The following NEO1 variants were observed in gnomAD, a reference collection of about 807,000 sequenced individuals.
NEO1 encodes the protein neogenin 1, also known as neogenin.
Under a neutral mutation model 159.7 loss-of-function variants are expected in NEO1, and 63 were observed. The observed-to-expected ratio is 0.39, with a 90% CI of 0.32 to 0.49. The LOEUF (loss-of-function observed/expected upper bound fraction) is 0.49, where lower values mean the gene tolerates loss of function less well. Among genes scored for constraint, NEO1 ranks in the 20% least tolerant of loss-of-function variants. The probability of loss-of-function intolerance (pLI) is 0.85; values close to 1 mark genes in which losing one functional copy is unlikely to be tolerated. For missense variants in NEO1, 1,615 were observed against 1,831.0 expected, an observed-to-expected ratio of 0.88 and a Z score of 2.15; for synonymous variants, 633 against 662.0, an observed-to-expected ratio of 0.96 and a Z score of 0.67.
chr15:73,096,599 T>A (rs909091689), intron 1 of NEO1, among the ~76,000 whole-genome samples: 7 of 152,178 alleles, frequency 4.6e-5, no homozygotes, highest in Non-Finnish European at 1.0e-4. Flanking sequence ...TATGAGAATG[T>A]TTTGAGAAAG....
chr15:73,064,603 TACAGGTGC>T (rs1283204517), intron 1 of NEO1, among the ~76,000 whole-genome samples: 1 of 152,162 alleles, frequency 6.6e-6, no homozygotes, highest in Non-Finnish European at 1.5e-5. Context: ...TAGCTGGGAC[TACAGGTGC>T]ACACCACCAT....
intron 25 of NEO1, among the ~76,000 whole-genome samples, chr15:73,291,831 G>C (rs2042176320): frequency 6.6e-6 from 1 of 152,098 alleles, no homozygotes; most frequent in Admixed American, 6.6e-5. Flanking sequence ...AGTCAATTTT[G>C]TTTTTCCCTT....
chr15:73,185,315 A>G (rs1031928396), intron 7 of NEO1, among the ~76,000 whole-genome samples: 6 of 152,220 alleles, frequency 3.9e-5, no homozygotes, highest in East Asian at 1.9e-4. Context: ...AGGTTATTCA[A>G]TTGTAATAAA....
At chr15:73,118,169 C>T (rs559951968) in intron 2 of NEO1, among the ~76,000 whole-genome samples, 1 of 152,242 alleles carries the variant, frequency 6.6e-6, no homozygotes, top group South Asian at 2.1e-4. Context: ...AGTAATTTCT[C>T]TGTACTTAAT....
At chr15:73,185,366 A>C (rs1283275966) in intron 7 of NEO1, among the ~76,000 whole-genome samples, 3 of 152,214 alleles carry the variant, frequency 2.0e-5, no homozygotes, top group Admixed American at 6.5e-5. Flanking sequence ...GGGGGAAACT[A>C]TGCATGTGTA....
intron 1 of NEO1, among the ~76,000 whole-genome samples, chr15:73,109,252 A>G (rs996874629): frequency 5.3e-5 from 8 of 152,166 alleles, no homozygotes; most frequent in African/African-American, 1.4e-4. Context: ...ATAGTTAACT[A>G]TTTATTGAGG....
At chr15:73,074,039 A>G (rs66881913) in intron 1 of NEO1, among the ~76,000 whole-genome samples, 15,610 of 152,200 alleles carry the variant, frequency 0.1, 1,129 homozygotes, top group African/African-American at 0.2. Context: ...GTCTCTTACT[A>G]TAACAGTGTT....
intron 1 of NEO1, among the ~76,000 whole-genome samples, chr15:73,066,421 G>A (rs780535027): frequency 2.0e-4 from 30 of 149,020 alleles, no homozygotes; most frequent in Non-Finnish European, 1.5e-4. Context: ...GTGTGTTCCC[G>A]TAGGAGTTTT....
chr15:73,118,869 G>C (rs918988778), intron 2 of NEO1, among the ~76,000 whole-genome samples: 62 of 152,160 alleles, frequency 4.1e-4, no homozygotes, highest in African/African-American at 1.4e-3. Context: ...TTTCTTTATT[G>C]ATGAACAATT....
At chr15:73,166,791 A>G (rs966066659) in intron 5 of NEO1, among the ~76,000 whole-genome samples, 5 of 152,176 alleles carry the variant, frequency 3.3e-5, no homozygotes, top group African/African-American at 4.8e-5. Context: ...AAAGATATTC[A>G]GTCCTCAGTT....
chr15:73,243,381 A>G (rs2039588887), intron 8 of NEO1, among the ~76,000 whole-genome samples: 2 of 152,250 alleles, frequency 1.3e-5, no homozygotes, highest in Admixed American at 1.3e-4. Context: ...AATTCAATAA[A>G]TTAGAATAAT....
intron 7 of NEO1, among the ~76,000 whole-genome samples, chr15:73,200,874 GT>G (rs1291976561): frequency 6.6e-6 from 1 of 151,708 alleles, no homozygotes; most frequent in Admixed American, 6.6e-5. Context: ...GGTAGAGACA[GT>G]TTCGCCATGT....
chr15:73,186,185 G>A (rs753023297), intron 7 of NEO1, among the ~76,000 whole-genome samples: 66 of 150,508 alleles, frequency 4.4e-4, no homozygotes, highest in Middle Eastern at 3.2e-3. Context: ...AAAAAAAAAT[G>A]TGAGCTAGAA....
At chr15:73,230,239 A>C (rs1449608935) in intron 7 of NEO1, among the ~76,000 whole-genome samples, 1 of 152,176 alleles carries the variant, frequency 6.6e-6, no homozygotes, top group Non-Finnish European at 1.5e-5. Context: ...TAGGTCGTTC[A>C]GACTTCATGT....
chr15:73,066,883 T>A (rs2068249401), intron 1 of NEO1, among the ~76,000 whole-genome samples: 1 of 152,216 alleles, frequency 6.6e-6, no homozygotes, highest in African/African-American at 2.4e-5. Flanking sequence ...CATACCAGAT[T>A]TGTCCCTTTG....
chr15:73,275,136 A>G (rs1158517433), intron 21 of NEO1, among the ~76,000 whole-genome samples: 1 of 152,214 alleles, frequency 6.6e-6, no homozygotes, highest in African/African-American at 2.4e-5. Context: ...CTAGAATTTT[A>G]TTAGTGTCTT....
In NEO1 at chr15:73,304,916, T is replaced by G. The variant is rs2042732983; in HGVS notation, c.*2220T>G. 1 of 152,152 alleles carries G rather than the reference T, an allele frequency of 6.6e-6. No homozygotes were observed. Among genetic ancestry groups the G allele is most frequent in the African/African-American group, 2.4e-5 (1 of 41,424 alleles). 9.4% of individuals were successfully genotyped at this position (152,152 alleles called of 1,614,324 possible). A position where few individuals can be genotyped will look rare whatever the true frequency, so the allele number is the denominator to read the frequency against. On this transcript the variant is annotated 3_prime_UTR_variant, in exon 29 of 29. Transcript: ENST00000261908. ...ATTCTGTATTGCACCTTTTCACAAT[T>G]TAATACATTTTCTTACATTTTCCTG...
chr15:73,266,608 A>G (rs1392223980), intron 16 of NEO1, among the ~76,000 whole-genome samples, 197 bp downstream of exon 16: 1 of 152,030 alleles, frequency 6.6e-6, no homozygotes, highest in Non-Finnish European at 1.5e-5. Context: ...GGAAGATTCT[A>G]ATTCTGCCAC....
intron 5 of NEO1, among the ~76,000 whole-genome samples, chr15:73,164,396 G>A (rs981547357): frequency 3.3e-5 from 5 of 151,452 alleles, no homozygotes; most frequent in African/African-American, 1.2e-4. Context: ...TGTGTTTTTG[G>A]TAGAGACAGG....
Sources: gnomAD v4.1 joint callset for allele counts (sites outside exome capture counted in the v4.1 genomes callset) on GRCh38, gnomAD v4.1.1 for gene constraint, MANE v1.5 for transcripts, NCBI Gene and HGNC (gene_info 2026-07-23, HGNC 2026-07-21) for gene names.